The following ADAMTS17 variants were observed in gnomAD, a reference collection of about 807,000 sequenced individuals.
ADAMTS17 encodes the protein ADAM metallopeptidase with thrombospondin type 1 motif 17, also known as A disintegrin and metalloproteinase with thrombospondin motifs 17.
ADAMTS17 carries 113 observed loss-of-function variants against 141.5 expected under a neutral mutation model. The observed-to-expected ratio is 0.80, with a 90% CI of 0.69 to 0.93. The LOEUF (loss-of-function observed/expected upper bound fraction) is 0.93. ADAMTS17 is among the 40% of genes least tolerant of loss of function. The pLI is 0.00. For synonymous variants in ADAMTS17, 768 were observed against 630.6 expected (o/e 1.22, Z -3.27); for missense variants, 1,659 against 1,517.9 (o/e 1.09, Z -1.54).
intron 8 of ADAMTS17, among the ~76,000 whole-genome samples, chr15:100,175,208 C>A (rs1371404961): frequency 6.6e-6 from 1 of 152,154 alleles, no homozygotes; most frequent in Non-Finnish European, 1.5e-5. Context: ...TCTGATATTG[C>A]CTTTTATTTA....
In ADAMTS17 at chr15:99,973,035, C is replaced by T. The variant is rs1476351929; in HGVS notation, c.*1367G>A. The T allele has an allele frequency of 1.3e-5, 2 of 152,120 alleles. No homozygotes were observed. The highest frequency in any genetic ancestry group is 2.9e-5 in the Non-Finnish European group (2 of 68,052). 9.4% of individuals were successfully genotyped at this position (152,120 alleles called of 1,614,324 possible). A position where few individuals can be genotyped will look rare whatever the true frequency, so the allele number is the denominator to read the frequency against. On this transcript the variant is annotated 3_prime_UTR_variant, in exon 22 of 22. Coordinates refer to ENST00000268070, the MANE Select transcript of ADAMTS17 (RefSeq NM_139057.4). ...ATGAAATGCCCACCAAGTTGGTGAG[C>T]AAAACAGGCCTCCTGGCATCTAGGG... is the stretch of plus-strand genomic sequence containing the variant.
intron 18 of ADAMTS17, among the ~76,000 whole-genome samples, chr15:100,004,926 T>C (rs1260777989): frequency 6.6e-6 from 1 of 152,220 alleles, no homozygotes; most frequent in Admixed American, 6.5e-5. Context: ...CCGCTCATTT[T>C]TGAAGTTTTA....
At chr15:100,068,837 A>T (rs1451170732) in intron 15 of ADAMTS17, among the ~76,000 whole-genome samples, 1 of 152,260 alleles carries the variant, frequency 6.6e-6, no homozygotes, top group Non-Finnish European at 1.5e-5. Context: ...TCTAAAAATC[A>T]GAGCACCTCT....
chr15:99,986,222 ACTGT>A (rs372912003), intron 20 of ADAMTS17, among the ~76,000 whole-genome samples: 34 of 152,220 alleles, frequency 2.2e-4, no homozygotes, highest in Admixed American at 5.2e-4. Context: ...CACATTGAAA[ACTGT>A]CTGTAACTAC....
chr15:100,240,805 C>T (rs534444626), intron 7 of ADAMTS17, among the ~76,000 whole-genome samples: 6 of 152,248 alleles, frequency 3.9e-5, no homozygotes, highest in African/African-American at 1.4e-4. Context: ...TACTCAACTT[C>T]TGTTTGTTTT....
intron 3 of ADAMTS17, among the ~76,000 whole-genome samples, chr15:100,318,477 C>T (rs1171349207): frequency 3.3e-5 from 5 of 152,044 alleles, no homozygotes. Flanking sequence ...AGCCCCTTCC[C>T]CCAGGTGAGG....
At chr15:100,183,893 C>G (rs977177255) in intron 8 of ADAMTS17, among the ~76,000 whole-genome samples, 5 of 152,188 alleles carry the variant, frequency 3.3e-5, no homozygotes, top group African/African-American at 1.2e-4. Flanking sequence ...CGTTGAGGCT[C>G]CTCTTCAGTC....
At chr15:100,077,949 A>G (rs1567135584) in intron 15 of ADAMTS17, among the ~76,000 whole-genome samples, 4 of 152,220 alleles carry the variant, frequency 2.6e-5, no homozygotes, top group African/African-American at 9.6e-5. Context: ...CTGCATTTCT[A>G]TATGTTAGCA....
At chr15:100,070,805 T>G (rs1393472244) in intron 15 of ADAMTS17, among the ~76,000 whole-genome samples, 1 of 148,816 alleles carries the variant, frequency 6.7e-6, no homozygotes. Flanking sequence ...GATCTAAAAT[T>G]GACACCCTAA....
chr15:100,197,990 C>T (rs2041184654), intron 8 of ADAMTS17, among the ~76,000 whole-genome samples: 1 of 152,096 alleles, frequency 6.6e-6, no homozygotes, highest in African/African-American at 2.4e-5. Flanking sequence ...CACATGGACA[C>T]AGGGAGGGAA....
chr15:100,279,369 C>T (rs1029466039), intron 4 of ADAMTS17, among the ~76,000 whole-genome samples: 1 of 152,202 alleles, frequency 6.6e-6, no homozygotes, highest in African/African-American at 2.4e-5. Context: ...TCTGCACCTT[C>T]GCTAGACCTC....
intron 4 of ADAMTS17, among the ~76,000 whole-genome samples, chr15:100,277,921 G>A (rs979114569): frequency 1.3e-5 from 2 of 152,234 alleles, no homozygotes; most frequent in African/African-American, 4.8e-5. Flanking sequence ...AAAGAAAAAG[G>A]TGATGCACGT....
intron 18 of ADAMTS17, among the ~76,000 whole-genome samples, chr15:100,010,304 CGTGT>C (rs1304216175): frequency 1.3e-5 from 2 of 152,118 alleles, no homozygotes; most frequent in Non-Finnish European, 2.9e-5. Context: ...GAGCAGTGGG[CGTGT>C]GTGTGAGGAC....
rs185175916 is a variant in ADAMTS17, at chr15:100,312,442, T to G, written c.616+18447A>C. On this transcript the variant is annotated intron_variant, in intron 3 of 21. Coordinates refer to ENST00000268070, the MANE Select transcript of ADAMTS17 (RefSeq NM_139057.4). ...ATGAAGGCCTGCTGACACTTTGATTTTACCCCAGTGAAACTGATTGCAGAC... is the reference window on the plus strand; with the variant it reads ...ATGAAGGCCTGCTGACACTTTGATTGTACCCCAGTGAAACTGATTGCAGAC... Among the ~76,000 whole-genome samples the G allele has an allele frequency of 6.2e-4, 94 of 152,310 alleles. 1 individual carries two copies. Among genetic ancestry groups the G allele is most frequent in the African/African-American group, 2.1e-3 (87 of 41,560 alleles).
intron 6 of ADAMTS17, among the ~76,000 whole-genome samples, chr15:100,257,880 C>A (rs934827962): frequency 6.6e-6 from 1 of 152,180 alleles, no homozygotes; most frequent in East Asian, 1.9e-4. Flanking sequence ...CACCCCACAC[C>A]GAAACTCTGT....
At chr15:100,334,779 G>A (rs1334114925) in intron 2 of ADAMTS17, among the ~76,000 whole-genome samples, 3 of 152,168 alleles carry the variant, frequency 2.0e-5, no homozygotes, top group African/African-American at 7.2e-5. Context: ...CCCAAAGCAA[G>A]CCTCTCCTTG....
intron 7 of ADAMTS17, among the ~76,000 whole-genome samples, chr15:100,225,422 T>C (rs2042262688): frequency 6.6e-6 from 1 of 152,222 alleles, no homozygotes; most frequent in Admixed American, 6.5e-5. Context: ...GCAGCAGCCA[T>C]TCATGCAGTC....
intron 8 of ADAMTS17, among the ~76,000 whole-genome samples, chr15:100,166,695 C>G (rs556878355): frequency 4.6e-5 from 7 of 152,280 alleles, no homozygotes; most frequent in African/African-American, 1.7e-4. Flanking sequence ...GGCTTGTTTT[C>G]CTAGCTGAGA....
chr15:100,304,440 AC>A (rs1167984675), intron 3 of ADAMTS17, among the ~76,000 whole-genome samples: 1 of 152,224 alleles, frequency 6.6e-6, no homozygotes, highest in African/African-American at 2.4e-5. Flanking sequence ...CATTCTGACT[AC>A]AACACAGTAA....
Sources: gnomAD v4.1 joint callset for allele counts (sites outside exome capture counted in the v4.1 genomes callset) on GRCh38, gnomAD v4.1.1 for gene constraint, MANE v1.5 for transcripts, NCBI Gene and HGNC (gene_info 2026-07-23, HGNC 2026-07-21) for gene names.